The following MOXD1 variants were observed in gnomAD, a reference collection of about 807,000 sequenced individuals.
MOXD1 encodes monooxygenase DBH like 1, also known as DBH-like monooxygenase protein 1.
Under a neutral mutation model 66.6 loss-of-function variants are expected in MOXD1, and 62 were observed. The ratio of observed to expected loss-of-function variants is 0.93; its 90% CI spans 0.76 to 1.15. MOXD1 has a LOEUF of 1.15. Ranked by LOEUF, MOXD1 falls within the 50% of genes most tolerant of loss-of-function variation. The probability of loss-of-function intolerance (pLI) is 0.00; values close to 1 mark genes in which losing one functional copy is unlikely to be tolerated. For synonymous variants in MOXD1, 303 were observed against 281.9 expected (o/e 1.07, Z -0.75); for missense variants, 847 against 754.6 (o/e 1.12, Z -1.44).
chr6:132,329,252 G>T (rs1437665251), intron 4 of MOXD1, among the ~76,000 whole-genome samples: 3 of 152,142 alleles, frequency 2.0e-5, no homozygotes, highest in African/African-American at 4.8e-5. Flanking sequence ...TGCTGAGAAT[G>T]TTGGTTTCCA....
intron 4 of MOXD1, among the ~76,000 whole-genome samples, chr6:132,356,265 C>T (rs1775908699): frequency 6.6e-5 from 10 of 152,128 alleles, no homozygotes; most frequent in Admixed American, 6.5e-4. Context: ...AAGGGTTGAA[C>T]AGCAAACTGA....
intron 4 of MOXD1, among the ~76,000 whole-genome samples, chr6:132,354,103 G>T (rs1312680978): frequency 6.6e-6 from 1 of 152,026 alleles, no homozygotes; most frequent in African/African-American, 2.4e-5. Context: ...GCCTTTCGCT[G>T]GTGTCTCCCT....
intron 6 of MOXD1, 151 bp from the exon 7 acceptor site, chr6:132,324,248 C>A: frequency 2.6e-6 from 2 of 778,246 alleles, no homozygotes; most frequent in East Asian, 2.8e-5. Flanking sequence ...GAAAGGGATT[C>A]AAGCAGAGAT....
intron 1 of MOXD1, among the ~76,000 whole-genome samples, chr6:132,378,094 T>C (rs1240285684): frequency 6.6e-6 from 1 of 152,040 alleles, no homozygotes; most frequent in Non-Finnish European, 1.5e-5. Flanking sequence ...GTTTGCGCCA[T>C]TGCACTCCAG....
intron 10 of MOXD1, among the ~76,000 whole-genome samples, chr6:132,310,827 C>T (rs1165823919): frequency 2.0e-5 from 3 of 152,032 alleles, no homozygotes; most frequent in Non-Finnish European, 4.4e-5. Context: ...AGGGGAGCAA[C>T]ACACACCAGG....
chr6:132,354,580 T>A (rs1157885298), intron 4 of MOXD1, among the ~76,000 whole-genome samples: 1 of 152,138 alleles, frequency 6.6e-6, no homozygotes, highest in Admixed American at 6.5e-5. Context: ...ATGGGCTCTG[T>A]GAGGGTTCTT....
Position 132,296,974 on chromosome 6 carries a change from AAGAGAAGAG to A in MOXD1, c.*170_*178del, listed in dbSNP as rs1326755987. On this transcript the variant is annotated 3_prime_UTR_variant, in exon 12 of 12. Transcript: ENST00000367963. The stretch of plus-strand genomic sequence containing the variant: ...TATATAACATCAGATATTTCTAAGA[AAGAGAAGAG>A]AACCTGATTGATGTCTCTCATGTAA... 1 of 536,646 alleles carries A rather than the reference AAGAGAAGAG, an allele frequency of 1.9e-6. No individual in the cohort carries two copies. The highest frequency in any genetic ancestry group is 3.2e-6 in the Non-Finnish European group (1 of 309,002). 33.2% of individuals were successfully genotyped at this position (536,646 alleles called of 1,614,324 possible).
Position 132,297,935 on chromosome 6 carries a change from T to C in MOXD1, c.1529A>G (p.Lys510Arg), listed in dbSNP as rs1774447703. The C allele has an allele frequency of 1.2e-6, 2 of 1,609,278 alleles. No individual in the cohort carries two copies. The highest frequency in any genetic ancestry group is 2.2e-5 in the East Asian group (1 of 44,776). ...RPVTTWPFII[K>R]SPKQYKNLSF... is the part of the protein sequence containing the mutation. ...AAGGTTTTTATATTGCTTGGGACTTTTGATAATGAAAGGCCAGGTCCTGAA... is the reference window on the plus strand; with the variant it reads ...AAGGTTTTTATATTGCTTGGGACTTCTGATAATGAAAGGCCAGGTCCTGAA... The change falls in exon 11 of 12, where the codon AAA becomes AGA. Residue 510 changes from lysine to arginine, a missense_variant. Coordinates refer to ENST00000367963, the MANE Select transcript of MOXD1 (RefSeq NM_015529.4).
chr6:132,374,496 ACT>A, intron 2 of MOXD1, 133 bp downstream of exon 2: 1 of 967,170 alleles, frequency 1.0e-6, no homozygotes, highest in African/African-American at 1.8e-5. Flanking sequence ...TAAAAAAAAA[ACT>A]AAAAAAAATC....
intron 10 of MOXD1, among the ~76,000 whole-genome samples, chr6:132,305,841 C>T (rs908254564): frequency 2.0e-5 from 3 of 152,148 alleles, no homozygotes; most frequent in African/African-American, 4.8e-5. Context: ...AAAGCACTCA[C>T]AAAAACCCCA....
chr6:132,372,878 A>C lies in MOXD1; in HGVS notation c.531T>G (p.Thr177=), dbSNP rs778804920. 8.7e-6 allele frequency: 14 copies of C among 1,614,066 alleles called. No homozygotes were observed. The highest frequency in any genetic ancestry group is 1.2e-5 in the Non-Finnish European group (14 of 1,179,940). The change falls in exon 3 of 12, where the codon ACT becomes ACG. Residue 177 remains threonine, a synonymous_variant. Coordinates refer to ENST00000367963, the MANE Select transcript of MOXD1 (RefSeq NM_015529.4). ...KSLRLLNPEK[T]SVLSTALPYF... ...ATGGTAAGGCTGTAGATAGCACACT[A>C]GTTTTCTCAGGATTCAATAACCGCA...
At chr6:132,344,796 A>G (rs1394600696) in intron 4 of MOXD1, among the ~76,000 whole-genome samples, 1 of 152,130 alleles carries the variant, frequency 6.6e-6, no homozygotes, top group African/African-American at 2.4e-5. Flanking sequence ...ACCACCTTTG[A>G]GTTGAGAGCA....
chr6:132,341,444 AG>A (rs1235558756), intron 4 of MOXD1, among the ~76,000 whole-genome samples: 1 of 152,212 alleles, frequency 6.6e-6, no homozygotes, highest in South Asian at 2.1e-4. Context: ...AGACATGTTT[AG>A]TAACTTGCCT....
At chr6:132,345,156 C>A (rs566579585) in intron 4 of MOXD1, among the ~76,000 whole-genome samples, 4 of 152,156 alleles carry the variant, frequency 2.6e-5, no homozygotes, top group Non-Finnish European at 5.9e-5. Flanking sequence ...TCATTTCCTA[C>A]CCCACACTAT....
intron 6 of MOXD1, among the ~76,000 whole-genome samples, chr6:132,325,342 C>T (rs34906732): frequency 0.19 from 28,226 of 152,122 alleles, 3,677 homozygotes; most frequent in African/African-American, 0.37. Flanking sequence ...TGTCTATCTC[C>T]TCCAAAAAGT....
At chr6:132,381,701 A>G (rs1199293562) in intron 1 of MOXD1, among the ~76,000 whole-genome samples, 2 of 152,180 alleles carry the variant, frequency 1.3e-5, no homozygotes, top group Non-Finnish European at 2.9e-5. Context: ...TAATCAATGG[A>G]TAGGTTATTG....
intron 4 of MOXD1, among the ~76,000 whole-genome samples, chr6:132,342,298 C>T (rs1425815622): frequency 1.3e-5 from 2 of 152,158 alleles, no homozygotes; most frequent in Non-Finnish European, 2.9e-5. Context: ...CCACGCCTGG[C>T]CCAAATCAAC....
chr6:132,328,728 G>T (rs957796730), intron 4 of MOXD1, 134 bp from the exon 5 acceptor site: 2 of 834,404 alleles, frequency 2.4e-6, no homozygotes, highest in East Asian at 5.4e-5. Context: ...TCAAGGTTGT[G>T]TAGTTCAAGT....
At chr6:132,340,441 CTTTTTTTTTTT>C (rs71868555) in intron 4 of MOXD1, among the ~76,000 whole-genome samples, 2 of 106,288 alleles carry the variant, frequency 1.9e-5, no homozygotes, top group East Asian at 2.8e-4. Flanking sequence ...GCAACACTTT[CTTTTTTTTTTT>C]TTTTTTTTTT....
Sources: allele counts gnomAD v4.1 joint callset (sites outside exome capture counted in the v4.1 genomes callset), GRCh38; gene constraint gnomAD v4.1.1; transcripts MANE v1.5; gene names NCBI Gene and HGNC (gene_info 2026-07-23, HGNC 2026-07-21).